The following MAML2 variants were observed in gnomAD, a reference collection of about 807,000 sequenced individuals.
The protein encoded by MAML2 is mastermind-like protein 2.
Under a neutral mutation model 96.1 loss-of-function variants are expected in MAML2, and 22 were observed. The observed-to-expected ratio is 0.23, with a 90% confidence interval of 0.16 to 0.33. The LOEUF (loss-of-function observed/expected upper bound fraction) is 0.33, where lower values mean the gene tolerates loss of function less well. Ranked by LOEUF, MAML2 falls within the 10% of genes least tolerant of loss-of-function variation. MAML2 has a pLI of 1.00. For synonymous variants in MAML2, 561 were observed against 521.3 expected, an observed-to-expected ratio of 1.08 and a Z score of -1.04; for missense variants, 1,367 against 1,392.4, an observed-to-expected ratio of 0.98 and a Z score of 0.29.
At chr11:96,280,764 T>A (rs1863053829) in intron 1 of MAML2, among the ~76,000 whole-genome samples, 1 of 152,258 alleles carries the variant, frequency 6.6e-6, no homozygotes, top group Admixed American at 6.5e-5. Flanking sequence ...GAGTGGTAGC[T>A]AAAAGTCCTT....
chr11:96,055,355 A>G (rs1859047583), intron 2 of MAML2, among the ~76,000 whole-genome samples: 2 of 152,156 alleles, frequency 1.3e-5, no homozygotes, highest in African/African-American at 4.8e-5. Context: ...ACTACACAAG[A>G]GCTTAGTATT....
intron 2 of MAML2, among the ~76,000 whole-genome samples, chr11:96,004,757 A>G (rs1219249150): frequency 6.6e-6 from 1 of 152,168 alleles, no homozygotes; most frequent in East Asian, 1.9e-4. Flanking sequence ...TGCCTTCCTC[A>G]TGGAATTGCT....
chr11:96,132,926 GT>G (rs1860569345), intron 1 of MAML2, among the ~76,000 whole-genome samples: 1 of 152,142 alleles, frequency 6.6e-6, no homozygotes, highest in African/African-American at 2.4e-5. Context: ...ATTAAATTCT[GT>G]AACATGATGA....
At chr11:95,982,664 A>G (rs1162155235) in intron 4 of MAML2, among the ~76,000 whole-genome samples, 1 of 152,182 alleles carries the variant, frequency 6.6e-6, no homozygotes, top group Non-Finnish European at 1.5e-5. Flanking sequence ...TGAATTGTGT[A>G]TAGTATTCCA....
chr11:96,202,629 A>G (rs1016559998), intron 1 of MAML2, among the ~76,000 whole-genome samples: 1 of 144,648 alleles, frequency 6.9e-6, no homozygotes. Flanking sequence ...TCCAGATGAA[A>G]TTTTTTTTTT....
At chr11:96,011,541 G>C (rs11021387) in intron 2 of MAML2, among the ~76,000 whole-genome samples, 1 of 151,802 alleles carries the variant, frequency 6.6e-6, no homozygotes. Context: ...CATAAAGCTG[G>C]GAACAACAGA....
intron 1 of MAML2, among the ~76,000 whole-genome samples, chr11:96,144,207 G>T (rs1033900504): frequency 9.2e-5 from 14 of 152,256 alleles, no homozygotes; most frequent in African/African-American, 3.4e-4. Context: ...TTAGCAACTG[G>T]GATCACATTG....
chr11:96,279,713 A>G (rs1863039726), intron 1 of MAML2, among the ~76,000 whole-genome samples: 1 of 152,192 alleles, frequency 6.6e-6, no homozygotes, highest in Non-Finnish European at 1.5e-5. Context: ...TTGCTAACCT[A>G]CAGGTTTGGA....
At chr11:95,999,201 G>A (rs1339298126) in intron 2 of MAML2, among the ~76,000 whole-genome samples, 1 of 152,170 alleles carries the variant, frequency 6.6e-6, no homozygotes, top group East Asian at 1.9e-4. Flanking sequence ...AGAAAATCTT[G>A]TAAATCTATC....
chr11:96,294,694 A>T (rs1309584659), intron 1 of MAML2, among the ~76,000 whole-genome samples: 2 of 152,236 alleles, frequency 1.3e-5, no homozygotes, highest in African/African-American at 4.8e-5. Context: ...ATAAACAAAG[A>T]GGTAACATTT....
chr11:96,050,346 C>A (rs1306612812), intron 2 of MAML2, among the ~76,000 whole-genome samples: 1 of 152,148 alleles, frequency 6.6e-6, no homozygotes, highest in Non-Finnish European at 1.5e-5. Context: ...AGGGAGGACA[C>A]CGACTGGCAA....
At position 96,343,054 on chromosome 11, in the gene MAML2, GA is replaced by G. The variant is rs201761808; in HGVS notation, c.-1160del. Reference sequence around the variant, plus strand: ...CTGTATTTGCTCCGCTTTATAGATGGAAAAAAAAAGTAGCTTGTATTTTCCT... The same window carrying G: ...CTGTATTTGCTCCGCTTTATAGATGGAAAAAAAAGTAGCTTGTATTTTCCT... On this transcript the variant is annotated 5_prime_UTR_variant, in exon 1 of 5. Coordinates refer to ENST00000524717, the MANE Select transcript of MAML2 (RefSeq NM_032427.4). The G allele has an allele frequency of 1.2e-4, 47 of 393,664 alleles. No individual in the cohort carries two copies. The highest frequency in any genetic ancestry group is 1.2e-3 in the East Asian group (33 of 27,824). 24.4% of individuals were successfully genotyped at this position (393,664 alleles called of 1,614,324 possible).
intron 3 of MAML2, among the ~76,000 whole-genome samples, chr11:95,989,754 C>T (rs1857882587): frequency 6.6e-6 from 1 of 152,170 alleles, no homozygotes. Context: ...TCCCTTAAAC[C>T]TTATGGCAGT....
At chr11:96,159,072 A>C (rs1488511607) in intron 1 of MAML2, among the ~76,000 whole-genome samples, 1 of 152,204 alleles carries the variant, frequency 6.6e-6, no homozygotes, top group Non-Finnish European at 1.5e-5. Context: ...AGTTAATATG[A>C]TTTTCATAAA....
intron 2 of MAML2, among the ~76,000 whole-genome samples, chr11:96,029,017 T>G (rs1858568919): frequency 1.3e-5 from 2 of 152,176 alleles, no homozygotes; most frequent in Non-Finnish European, 1.5e-5. Flanking sequence ...AAGTCAGAGG[T>G]GTACTCTCCA....
chr11:96,087,467 T>C (rs1014966377), intron 2 of MAML2, among the ~76,000 whole-genome samples: 8 of 152,244 alleles, frequency 5.3e-5, no homozygotes, highest in African/African-American at 1.9e-4. Flanking sequence ...ATCAACCTTG[T>C]TCCCTTTTGC....
intron 2 of MAML2, among the ~76,000 whole-genome samples, chr11:96,066,388 T>A (rs760800216): frequency 3.3e-5 from 5 of 152,192 alleles, no homozygotes; most frequent in Admixed American, 6.5e-5. Flanking sequence ...GATCAAGGTC[T>A]CCATCCTCAA....
At chr11:96,338,164 A>G (rs192984779) in intron 1 of MAML2, among the ~76,000 whole-genome samples, 96 of 152,368 alleles carry the variant, frequency 6.3e-4, no homozygotes, top group African/African-American at 2.1e-3. Flanking sequence ...TCTAAACCTT[A>G]CTGTTCCATG....
At chr11:96,187,792 C>CAAAA (rs5793787) in intron 1 of MAML2, among the ~76,000 whole-genome samples, 4 of 128,626 alleles carry the variant, frequency 3.1e-5, no homozygotes, top group East Asian at 2.4e-4. Flanking sequence ...AACTCTGTCT[C>CAAAA]AAAAAAAAAA....
Sources: allele counts gnomAD v4.1 joint callset (sites outside exome capture counted in the v4.1 genomes callset), GRCh38; gene constraint gnomAD v4.1.1; transcripts MANE v1.5; gene names NCBI Gene and HGNC (gene_info 2026-07-23, HGNC 2026-07-21).